SLCO2A1: variants seen among roughly 807,000 people sequenced by gnomAD.
SLCO2A1 encodes matrin F/G 1.
A neutral mutation model predicts 71.7 loss-of-function variants in SLCO2A1; 60 were observed. That is an observed-to-expected ratio of 0.84 (90% CI 0.68 to 1.04). SLCO2A1 has a LOEUF of 1.04. Among genes scored for constraint, SLCO2A1 ranks in the 50% least tolerant of loss-of-function variants. SLCO2A1 has a pLI of 0.00. For synonymous variants in SLCO2A1, 308 were observed against 326.7 expected, an observed-to-expected ratio of 0.94 and a Z score of 0.62; for missense variants, 745 against 813.4, an observed-to-expected ratio of 0.92 and a Z score of 1.02.
At position 133,998,173 on chromosome 3, in the gene SLCO2A1, T is replaced by A. The variant is rs74864792; in HGVS notation, c.97-18555A>T. ...GTCCCTTCCAGCGCAGGCTTCCCAT[T>A]TCATCTTTCCTAGGCCCACCACACA... On this transcript the variant is annotated intron_variant, in intron 1 of 13. Transcript: ENST00000310926. Among the ~76,000 whole-genome samples, 633 of 152,292 alleles carry A rather than the reference T, an allele frequency of 4.2e-3. 3 individuals are homozygous for A. Among genetic ancestry groups the A allele is most frequent in the African/African-American group, 0.015 (613 of 41,550 alleles).
At chr3:133,975,103 T>A (rs1456039219) in intron 2 of SLCO2A1, among the ~76,000 whole-genome samples, 1 of 152,172 alleles carries the variant, frequency 6.6e-6, no homozygotes, top group Non-Finnish European at 1.5e-5. Context: ...CCTCTTTATC[T>A]CCTTGGACTC....
chr3:133,948,904 T>C lies in SLCO2A1; in HGVS notation c.929A>G (p.Asp310Gly), dbSNP rs1378760713. The part of the protein sequence containing the change: ...EEAKSRGSLV[D>G]FIKRFPCIFL... Reference sequence around the variant, plus strand: ...GTAGGGTCAGTTACGTTTAATGAAATCCACCAGGGAGCCTCTTGACTTGGC... The same window carrying C: ...GTAGGGTCAGTTACGTTTAATGAAACCCACCAGGGAGCCTCTTGACTTGGC... Residue 310 changes from aspartate (D) to glycine (G), a missense_variant, in exon 7 of 14, where the codon GAT becomes GGT. Coordinates refer to ENST00000310926, the MANE Select transcript of SLCO2A1 (RefSeq NM_005630.3). 1 of 1,614,104 alleles carries C rather than the reference T, an allele frequency of 6.2e-7. No homozygotes were observed. Among genetic ancestry groups the C allele is most frequent in the East Asian group, 2.2e-5 (1 of 44,868 alleles).
At chr3:133,935,239 C>G (rs1228973230) in intron 13 of SLCO2A1, among the ~76,000 whole-genome samples, 1 of 152,240 alleles carries the variant, frequency 6.6e-6, no homozygotes, top group Non-Finnish European at 1.5e-5. Flanking sequence ...CCAGTCCCCT[C>G]AAGCCCACCT....
intron 1 of SLCO2A1, among the ~76,000 whole-genome samples, chr3:133,992,450 C>T (rs1365480534): frequency 1.3e-5 from 2 of 152,248 alleles, no homozygotes; most frequent in Non-Finnish European, 2.9e-5. Flanking sequence ...GTGATAGGGA[C>T]AGGAGGCAGA....
chr3:133,936,226 G>T (rs1206006685), intron 12 of SLCO2A1, among the ~76,000 whole-genome samples: 2 of 152,178 alleles, frequency 1.3e-5, no homozygotes, highest in African/African-American at 4.8e-5. Context: ...CCACTGTGTG[G>T]CAGGAGGCTC....
intron 3 of SLCO2A1, among the ~76,000 whole-genome samples, chr3:133,969,441 GAGTAGCATGATCATAA>G (rs1475766987): frequency 6.6e-6 from 1 of 152,142 alleles, no homozygotes; most frequent in Non-Finnish European, 1.5e-5. Flanking sequence ...GGCTGGAGTG[GAGTAGCATGATCATAA>G]CTCATTAAAG....
intron 1 of SLCO2A1, among the ~76,000 whole-genome samples, chr3:134,013,771 A>C (rs557283079): frequency 2.0e-5 from 3 of 152,234 alleles, no homozygotes; most frequent in Non-Finnish European, 2.9e-5. Context: ...AATATGACAT[A>C]TTATTTGGAA....
chr3:133,938,528 A>T (rs1490763676), intron 11 of SLCO2A1, 35 bp from the exon 12 acceptor site: 3 of 1,601,794 alleles, frequency 1.9e-6, no homozygotes, highest in Non-Finnish European at 2.6e-6. Context: ...CAGTGGGAGG[A>T]TTCAGGGCTG....
intron 1 of SLCO2A1, among the ~76,000 whole-genome samples, 163 bp from the exon 2 acceptor site, chr3:133,979,781 ATTGTG>A (rs1934545147): frequency 1.3e-5 from 2 of 152,034 alleles, no homozygotes; most frequent in South Asian, 4.1e-4. Flanking sequence ...TCATTGCAAC[ATTGTG>A]TTGCACCCTA....
intron 1 of SLCO2A1, among the ~76,000 whole-genome samples, chr3:134,024,677 CT>C (rs1228290164): frequency 6.6e-6 from 1 of 152,358 alleles, no homozygotes; most frequent in South Asian, 2.1e-4. Context: ...CAAGGGCCTT[CT>C]TGTCCTGTTA....
At chr3:133,954,162 T>C (rs1182275616) in intron 4 of SLCO2A1, among the ~76,000 whole-genome samples, 2 of 126,580 alleles carry the variant, frequency 1.6e-5, no homozygotes, top group East Asian at 2.0e-4. Flanking sequence ...TCTTTTTTTT[T>C]TTTTTTTTTT....
chr3:133,944,993 A>G, intron 10 of SLCO2A1, 102 bp downstream of exon 10: 1 of 1,258,384 alleles, frequency 7.9e-7, no homozygotes, highest in Non-Finnish European at 1.1e-6. Flanking sequence ...GTGTGTGTGG[A>G]GCCCTGCCTA....
intron 1 of SLCO2A1, among the ~76,000 whole-genome samples, chr3:133,982,298 C>T (rs2108059898): frequency 6.6e-6 from 1 of 152,270 alleles, no homozygotes; most frequent in South Asian, 2.1e-4. Flanking sequence ...GACTAATGCC[C>T]CCAAAGCCTG....
Position 134,015,092 on chromosome 3 carries a change from G to T in SLCO2A1, c.96+14615C>A, listed in dbSNP as rs116213187. Among the ~76,000 whole-genome samples the T allele has an allele frequency of 7.6e-3, 1,158 of 152,250 alleles. 18 individuals carry two copies. The highest frequency in any genetic ancestry group is 0.027 in the African/African-American group (1,102 of 41,548). On this transcript the variant is annotated intron_variant, in intron 1 of 13. Transcript: ENST00000310926. ...AGGTAATAAAATTTGGTATCCATAA[G>T]ATAAACACATACCATTGCCCAATAA... is the stretch of plus-strand genomic sequence containing the variant.
At chr3:133,940,717 C>T (rs961446286) in intron 11 of SLCO2A1, among the ~76,000 whole-genome samples, 15 of 152,104 alleles carry the variant, frequency 9.9e-5, no homozygotes, top group Non-Finnish European at 1.9e-4. Flanking sequence ...GGATGGGGAG[C>T]GGTAGAGAAG....
chr3:134,029,441 T>A (rs1935772273), intron 1 of SLCO2A1, among the ~76,000 whole-genome samples: 1 of 152,172 alleles, frequency 6.6e-6, no homozygotes, highest in Middle Eastern at 3.4e-3. Context: ...GTACTTCCAC[T>A]GTCCCATTAC....
rs2108034657 is a variant in SLCO2A1 at position 133,934,535 on chromosome 3, C to T, written c.*178G>A. ...CACACAGCCCGGGTACACAGTGGCCCTTAGGAACTGTGGGGAGGACTCTGG... is the reference window on the plus strand; with the variant it reads ...CACACAGCCCGGGTACACAGTGGCCTTTAGGAACTGTGGGGAGGACTCTGG... On this transcript the variant is annotated 3_prime_UTR_variant, in exon 14 of 14. Coordinates refer to ENST00000310926, the MANE Select transcript of SLCO2A1 (RefSeq NM_005630.3). 1.8e-6 allele frequency: 1 copy of T among 542,300 alleles called. No individual in the cohort carries two copies. 33.6% of individuals were successfully genotyped at this position (542,300 alleles called of 1,614,324 possible). A position where few individuals can be genotyped will look rare whatever the true frequency, so the allele number is the denominator to read the frequency against.
intron 1 of SLCO2A1, among the ~76,000 whole-genome samples, chr3:134,012,298 G>C (rs1302404350): frequency 6.6e-6 from 1 of 152,180 alleles, no homozygotes; most frequent in Non-Finnish European, 1.5e-5. Flanking sequence ...TGACCAGGAA[G>C]TAATGGGTTC....
rs868781319 is a variant in SLCO2A1 at position 133,978,410 on chromosome 3, G to A, written c.234+1071C>T. 3.3e-5 allele frequency among the ~76,000 whole-genome samples: 5 copies of A among 152,142 alleles called. No individual in the cohort carries two copies. The South Asian group carries it at 1.0e-3, about 32-fold the overall frequency. ...TGAAGAGTGCCTCCCTCCTAGGACCGTAGAAGGGACTGTCACAGGAAAGTG... is the reference window on the plus strand; with the variant it reads ...TGAAGAGTGCCTCCCTCCTAGGACCATAGAAGGGACTGTCACAGGAAAGTG... On this transcript the variant is annotated intron_variant, in intron 2 of 13. Transcript: ENST00000310926.
Sources: gnomAD v4.1 joint callset for allele counts (sites outside exome capture counted in the v4.1 genomes callset) on GRCh38, gnomAD v4.1.1 for gene constraint, MANE v1.5 for transcripts, NCBI Gene and HGNC (gene_info 2026-07-23, HGNC 2026-07-21) for gene names.